FOXN4: variants seen among roughly 807,000 people sequenced by gnomAD.
The protein encoded by FOXN4 is forkhead box protein N4.
FOXN4 carries 12 observed loss-of-function variants against 45.0 expected under a neutral mutation model. The observed-to-expected ratio is 0.27, with a 90% CI of 0.17 to 0.43. The LOEUF (loss-of-function observed/expected upper bound fraction) is 0.43, where lower values mean the gene tolerates loss of function less well. Ranked by LOEUF, FOXN4 falls within the 20% of genes least tolerant of loss-of-function variation. The pLI is 1.00. For missense variants in FOXN4, 560 were observed against 694.9 expected (o/e 0.81, Z 2.18); for synonymous variants, 297 against 295.0 (o/e 1.01, Z -0.07).
chr12:109,305,912 G>A (rs1285504102), intron 2 of FOXN4, among the ~76,000 whole-genome samples: 1 of 152,016 alleles, frequency 6.6e-6, no homozygotes, highest in Non-Finnish European at 1.5e-5. Context: ...GCTCGGCAGT[G>A]GACTGGCTAG....
chr12:109,289,935 G>A (rs1237652619), intron 3 of FOXN4, among the ~76,000 whole-genome samples: 2 of 152,176 alleles, frequency 1.3e-5, no homozygotes, highest in Non-Finnish European at 1.5e-5. Flanking sequence ...ACCTTAGCTC[G>A]CCCAGGGCCT....
At chr12:109,286,427 A>T (rs2047710772) in intron 7 of FOXN4, among the ~76,000 whole-genome samples, 1 of 152,106 alleles carries the variant, frequency 6.6e-6, no homozygotes, top group South Asian at 2.1e-4. Flanking sequence ...TCTCCTTGGG[A>T]TGCCTAATGA....
chr12:109,304,263 G>GAAAGAAAGAA (rs1472659862), intron 2 of FOXN4, among the ~76,000 whole-genome samples: 1 of 93,280 alleles, frequency 1.1e-5, no homozygotes, highest in East Asian at 2.6e-4. Flanking sequence ...AAGAAAGAAA[G>GAAAGAAAGAA]AAAGAAAGAA....
At position 109,287,389 on chromosome 12, in the gene FOXN4, G is replaced by A; in HGVS notation, c.596+8C>T. On this transcript the variant is annotated splice_region_variant and intron_variant, in intron 6 of 9. Transcript: ENST00000299162. The surrounding 1 kb of genome is among the most constrained non-coding windows in gnomAD (Gnocchi z 4.1). ...CTTGGCCCTGACCCGGCCCACCCTG[G>A]ACCTCACCTGTACGAGTAGATGGGC... is the stretch of plus-strand genomic sequence containing the variant. The A allele has an allele frequency of 6.4e-7, 1 of 1,551,412 alleles. No homozygotes were observed.
Position 109,288,220 on chromosome 12 carries a change from A to G in FOXN4, c.233-40T>C. On this transcript the variant is annotated intron_variant, in intron 3 of 9. Coordinates refer to ENST00000299162, the MANE Select transcript of FOXN4 (RefSeq NM_213596.3). The surrounding 1 kb of genome is among the most constrained non-coding windows in gnomAD (Gnocchi z 4.3). ...CACAGAGACGCTGCTGGGCTGGAGG[A>G]ATGGTGGCTGCCACCAGGAACAGCC... 2 of 1,533,824 alleles carry G rather than the reference A, an allele frequency of 1.3e-6. No homozygotes were observed. Among genetic ancestry groups the G allele is most frequent in the East Asian group, 4.9e-5 (2 of 40,746 alleles).
rs2047753415 is a variant in FOXN4 at position 109,290,166 on chromosome 12, GCCACCCAGGT to G, written c.197_206del (p.Asp66AlafsTer45). 6.4e-7 allele frequency: 1 copy of G among 1,550,628 alleles called. No individual in the cohort carries two copies. The highest frequency in any genetic ancestry group is 8.7e-7 in the Non-Finnish European group (1 of 1,146,574). On this transcript the variant is annotated frameshift_variant, in exon 3 of 10. Transcript: ENST00000299162. LOFTEE classifies it high-confidence loss of function. This position sits in a 1 kb window ranked among gnomAD's most constrained non-coding sequence, Gnocchi z 5.1. ...CTGGGTGTGGATGTGGCACGCAGGG[GCCACCCAGGT>G]CCACGCGGCCACTTGCCATCTGCTG... is the stretch of plus-strand genomic sequence containing the variant.
In FOXN4 at chr12:109,279,242, T is replaced by A. The variant is rs1208851446; in HGVS notation, c.*429A>T. 1 of 223,402 alleles carries A rather than the reference T, an allele frequency of 4.5e-6. No individual in the cohort carries two copies. Among genetic ancestry groups the A allele is most frequent in the Non-Finnish European group, 9.0e-6 (1 of 111,518 alleles). The allele number at this position is 223,402 out of a possible 1,614,324, so 13.8% of individuals were successfully genotyped here. A position where few individuals can be genotyped will look rare whatever the true frequency, so the allele number is the denominator to read the frequency against. Reference sequence around the variant, plus strand: ...TCCACTCAGCCATTTCCCATGAGGATGAATTCAAGGGCTTTCACCCCAGGG... The same window carrying A: ...TCCACTCAGCCATTTCCCATGAGGAAGAATTCAAGGGCTTTCACCCCAGGG... On this transcript the variant is annotated 3_prime_UTR_variant, in exon 10 of 10. Transcript: ENST00000299162.
intron 8 of FOXN4, among the ~76,000 whole-genome samples, chr12:109,284,472 C>CGTGT (rs1565997958): frequency 1.5e-5 from 2 of 133,810 alleles, no homozygotes; most frequent in Non-Finnish European, 3.1e-5. Flanking sequence ...TGTGCGTGTG[C>CGTGT]GCACACACTA....
chr12:109,289,103 A>G (rs539102953), intron 3 of FOXN4, among the ~76,000 whole-genome samples: 1 of 152,314 alleles, frequency 6.6e-6, no homozygotes, highest in East Asian at 1.9e-4. Context: ...CACTTTCTGC[A>G]TTGAATCCTC....
chr12:109,285,422 G>A lies in FOXN4; in HGVS notation c.783C>T (p.Ser261=), dbSNP rs373220090. 1.9e-6 allele frequency: 3 copies of A among 1,614,028 alleles called. No homozygotes were observed. In the East Asian group the frequency reaches 6.7e-5, roughly 36 times the overall value. ...FEKVENKMSG[S]SRKGCLWALN... The stretch of plus-strand genomic sequence containing the variant: ...GAGCCCACAGGCAGCCCTTGCGGGA[G>A]GAGCCGCTCATCTTGTTCTCCACCT... Residue 261 remains serine (S), a synonymous_variant, in exon 8 of 10, where the codon TCC becomes TCT. Transcript: ENST00000299162.
In FOXN4 at chr12:109,290,606, A is replaced by G. The variant is rs1188853379; in HGVS notation, c.87-320T>C. On this transcript the variant is annotated intron_variant, in intron 2 of 9. Transcript: ENST00000299162. This position sits in a 1 kb window ranked among gnomAD's most constrained non-coding sequence, Gnocchi z 5.1. The stretch of plus-strand genomic sequence containing the variant: ...ACCGATCAAGCCTTTTTACACTCCC[A>G]GTCACCCTATGAGGCAGGTGTTATT... Among the ~76,000 whole-genome samples, 1 of 152,192 alleles carries G rather than the reference A, an allele frequency of 6.6e-6. No homozygotes were observed. The highest frequency in any genetic ancestry group is 1.5e-5 in the Non-Finnish European group (1 of 68,022).
intron 2 of FOXN4, among the ~76,000 whole-genome samples, chr12:109,304,974 C>T (rs548179398): frequency 2.8e-4 from 42 of 152,220 alleles, no homozygotes; most frequent in Non-Finnish European, 3.2e-4. Context: ...AATTGGGTGG[C>T]TCCATTTCAC....
At chr12:109,284,863 C>T (rs999795937) in intron 8 of FOXN4, among the ~76,000 whole-genome samples, 1 of 148,424 alleles carries the variant, frequency 6.7e-6, no homozygotes, top group African/African-American at 2.6e-5. Flanking sequence ...GGTCCTTCCT[C>T]TTCTGCGTGT....
At position 109,290,046 on chromosome 12, in the gene FOXN4, C is replaced by T; in HGVS notation, c.232+95G>A. 3 of 1,377,556 alleles carry T rather than the reference C, an allele frequency of 2.2e-6. No individual in the cohort carries two copies. Among genetic ancestry groups the T allele is most frequent in the South Asian group, 3.2e-5 (2 of 61,966 alleles). 85.3% of individuals were successfully genotyped at this position (1,377,556 alleles called of 1,614,324 possible). ...AGAGAGGCCCAGAGAGACTGGGAGA[C>T]CGGGTCATGGCTGCACAGTGGGTGG... is the stretch of plus-strand genomic sequence containing the variant. On this transcript the variant is annotated intron_variant, in intron 3 of 9. Coordinates refer to ENST00000299162, the MANE Select transcript of FOXN4 (RefSeq NM_213596.3). The surrounding 1 kb of genome is among the most constrained non-coding windows in gnomAD (Gnocchi z 5.1).
At position 109,279,707 on chromosome 12, in the gene FOXN4, C is replaced by G; in HGVS notation, c.1518G>C (p.Leu506=). ...ASGTSSSSQY[L]GAQGNKPIAL... ...CTATAGGCTTGTTCCCCTGTGCACC[C>G]AGGTACTGGGAGGAGGAGCTGGTGC... The change falls in exon 10 of 10, where the codon CTG becomes CTC. Residue 506 remains leucine (L), a synonymous_variant. Transcript: ENST00000299162. 1 of 1,574,834 alleles carries G rather than the reference C, an allele frequency of 6.3e-7. No homozygotes were observed. The highest frequency in any genetic ancestry group is 8.6e-7 in the Non-Finnish European group (1 of 1,160,900).
intron 2 of FOXN4, among the ~76,000 whole-genome samples, chr12:109,305,978 G>A (rs932547288): frequency 1.1e-4 from 17 of 152,122 alleles, no homozygotes; most frequent in Middle Eastern, 3.4e-3. Flanking sequence ...TTTGGAGAAG[G>A]GCAGTTGCTT....
At chr12:109,298,228 C>T (rs11066163) in intron 2 of FOXN4, among the ~76,000 whole-genome samples, 40,639 of 151,828 alleles carry the variant, frequency 0.27, 5,814 homozygotes, top group Admixed American at 0.38. Context: ...TTGTGAGCCC[C>T]CCGTCCCAGA....
rs1298218655 is a variant in FOXN4 at position 109,308,195 on chromosome 12, C to T, written c.86+41G>A. 3.4e-6 allele frequency: 5 copies of T among 1,450,634 alleles called. No individual in the cohort carries two copies. The Admixed American group carries it at 1.0e-4, about 30-fold the overall frequency. 89.9% of individuals were successfully genotyped at this position (1,450,634 alleles called of 1,614,324 possible). A position where few individuals can be genotyped will look rare whatever the true frequency, so the allele number is the denominator to read the frequency against. ...ATAAACAGCATACAAACACTTTGAG[C>T]AATTAAAAAATATATAGTTTGTTAT... On this transcript the variant is annotated intron_variant, in intron 2 of 9. Coordinates refer to ENST00000299162, the MANE Select transcript of FOXN4 (RefSeq NM_213596.3).
intron 8 of FOXN4, among the ~76,000 whole-genome samples, chr12:109,284,408 G>C (rs1429924813): frequency 1.3e-5 from 2 of 152,228 alleles, no homozygotes; most frequent in African/African-American, 2.4e-5. Flanking sequence ...GCTGGGGCTG[G>C]GCTGGGAGGA....
Sources: allele counts gnomAD v4.1 joint callset (sites outside exome capture counted in the v4.1 genomes callset), GRCh38; gene constraint gnomAD v4.1.1; non-coding constraint Gnocchi (gnomAD v3.1); transcripts MANE v1.5; gene names NCBI Gene and HGNC (gene_info 2026-07-23, HGNC 2026-07-21).